CREBBP: variants seen among roughly 807,000 people sequenced by gnomAD.
The protein encoded by CREBBP is CREB-binding protein.
A neutral mutation model predicts 265.0 loss-of-function variants in CREBBP; 19 were observed. That is an observed-to-expected ratio of 0.07 (90% confidence interval 0.05 to 0.11). The LOEUF (loss-of-function observed/expected upper bound fraction) is 0.11. CREBBP is among the 10% of genes least tolerant of loss of function. The pLI is 1.00. For missense variants in CREBBP, 2,525 were observed against 3,219.0 expected (o/e 0.78, Z 5.22); for synonymous variants, 1,457 against 1,223.7 (o/e 1.19, Z -3.98).
intron 1 of CREBBP, among the ~76,000 whole-genome samples, chr16:3,876,964 T>C (rs1800605182): frequency 6.6e-6 from 1 of 152,082 alleles, no homozygotes; most frequent in African/African-American, 2.4e-5. Context: ...TCGGGTGCAT[T>C]TTTCTCTCAG....
rs2055513516 is a variant in CREBBP at position 3,880,560 on chromosome 16, C to T, written c.-644G>A. The T allele has an allele frequency of 4.8e-5, 7 of 145,504 alleles. No homozygotes were observed. In the South Asian group the frequency reaches 1.3e-3, roughly 27 times the overall value. 9.0% of individuals were successfully genotyped at this position (145,504 alleles called of 1,614,324 possible). ...CCGAGCCGAGAGGCGAGCGGGGCCGCCGGGGCGGGCGCCGAGGGCCGGGCG... is the reference window on the plus strand; with the variant it reads ...CCGAGCCGAGAGGCGAGCGGGGCCGTCGGGGCGGGCGCCGAGGGCCGGGCG... On this transcript the variant is annotated 5_prime_UTR_variant, in exon 1 of 31. Transcript: ENST00000262367.
intron 1 of CREBBP, among the ~76,000 whole-genome samples, chr16:3,862,500 A>G (rs1163348962): frequency 6.6e-6 from 1 of 152,186 alleles, no homozygotes; most frequent in Non-Finnish European, 1.5e-5. Flanking sequence ...AACCCTCAAC[A>G]CAGCACTTAC....
chr16:3,876,091 T>C (rs1450819380), intron 1 of CREBBP, among the ~76,000 whole-genome samples: 1 of 152,032 alleles, frequency 6.6e-6, no homozygotes, highest in Non-Finnish European at 1.5e-5. Context: ...CAGGCCAGAG[T>C]GCAGTGGCAT....
chr16:3,838,759 G>C (rs906435712), intron 2 of CREBBP, among the ~76,000 whole-genome samples: 1 of 152,002 alleles, frequency 6.6e-6, no homozygotes, highest in African/African-American at 2.4e-5. Flanking sequence ...CTGTTGCCCG[G>C]GCTGGTGTCA....
At chr16:3,789,983 T>C (rs1270234832) in intron 5 of CREBBP, among the ~76,000 whole-genome samples, 5 of 152,130 alleles carry the variant, frequency 3.3e-5, no homozygotes, top group Admixed American at 6.5e-5. Context: ...ACTGTCATGG[T>C]AGTATGTACT....
chr16:3,832,327 G>A (rs1322615324), intron 2 of CREBBP, among the ~76,000 whole-genome samples: 1 of 152,104 alleles, frequency 6.6e-6, no homozygotes, highest in Non-Finnish European at 1.5e-5. Flanking sequence ...GTAACTTCAT[G>A]AAGCCAGTAT....
intron 2 of CREBBP, among the ~76,000 whole-genome samples, chr16:3,832,540 C>G (rs1321498470): frequency 6.6e-6 from 1 of 152,210 alleles, no homozygotes; most frequent in Non-Finnish European, 1.5e-5. Flanking sequence ...CTACTACACA[C>G]CTAGGCTGTA....
intron 1 of CREBBP, among the ~76,000 whole-genome samples, chr16:3,853,405 T>G (rs1476458172): frequency 7.1e-6 from 1 of 140,290 alleles, no homozygotes; most frequent in Non-Finnish European, 1.5e-5. Context: ...GGTCAGGAGA[T>G]TGAGACCATC....
chr16:3,854,339 C>G (rs371858851), intron 1 of CREBBP, among the ~76,000 whole-genome samples: 18 of 152,206 alleles, frequency 1.2e-4, no homozygotes, highest in African/African-American at 3.9e-4. Flanking sequence ...GACAATCACC[C>G]TGTAGCCAGG....
In CREBBP at chr16:3,774,779, A is replaced by G. The variant is rs532839220; in HGVS notation, c.2159-86T>C. The G allele has an allele frequency of 2.1e-5, 32 of 1,547,358 alleles. No individual in the cohort carries two copies. The African/African-American group carries it at 3.9e-4, about 19-fold the overall frequency. ...CTTGCTAAATAAACTCTTAAGTAAA[A>G]TAAGATGGAACGCACAGGCAACAGA... On this transcript the variant is annotated intron_variant, in intron 11 of 30. Coordinates refer to ENST00000262367, the MANE Select transcript of CREBBP (RefSeq NM_004380.3).
intron 2 of CREBBP, among the ~76,000 whole-genome samples, chr16:3,840,343 A>C (rs1405087690): frequency 1.3e-5 from 2 of 152,200 alleles, no homozygotes; most frequent in Non-Finnish European, 2.9e-5. Context: ...GCTTGAGTTC[A>C]GTTCAAGACC....
rs191911154 is a variant in CREBBP at position 3,841,413 on chromosome 16, C to T, written c.798+8884G>A. Among the ~76,000 whole-genome samples, 101 of 151,890 alleles carry T rather than the reference C, an allele frequency of 6.6e-4. 2 individuals are homozygous for T. Among genetic ancestry groups the T allele is most frequent in the African/African-American group, 2.3e-3 (95 of 41,414 alleles). On this transcript the variant is annotated intron_variant, in intron 2 of 30. Transcript: ENST00000262367. ...AAATTTGGGTTGCAATAAGAGGAAA[C>T]TTTGTGCTCTTTTTACAATTTTTAG...
chr16:3,775,974 T>C (rs928439043), intron 11 of CREBBP, among the ~76,000 whole-genome samples: 1 of 151,866 alleles, frequency 6.6e-6, no homozygotes, highest in Admixed American at 6.6e-5. Flanking sequence ...TGGAGTGCAG[T>C]GGTGTGATCT....
At chr16:3,733,358 T>C (rs1221742224) in intron 28 of CREBBP, among the ~76,000 whole-genome samples, 2 of 116,440 alleles carry the variant, frequency 1.7e-5, no homozygotes, top group African/African-American at 4.2e-5. Flanking sequence ...CGAGACTCCA[T>C]CTCAAAAAAA....
intron 2 of CREBBP, among the ~76,000 whole-genome samples, chr16:3,839,759 G>A (rs1416588552): frequency 1.4e-5 from 2 of 146,594 alleles, no homozygotes; most frequent in African/African-American, 5.1e-5. Flanking sequence ...GAAAGGAAGG[G>A]AGGAAAGGGA....
Position 3,876,399 on chromosome 16 carries a change from CAAAAAAAAA to C in CREBBP, c.85+3424_85+3432del, listed in dbSNP as rs71133663. Among the ~76,000 whole-genome samples, 19 of 18,162 alleles carry C rather than the reference CAAAAAAAAA, an allele frequency of 1.0e-3. No individual in the cohort carries two copies. The South Asian group carries it at 0.013, about 12-fold the overall frequency. 11.9% of individuals were successfully genotyped at this position (18,162 alleles called of 152,430 possible). A position where few individuals can be genotyped will look rare whatever the true frequency, so the allele number is the denominator to read the frequency against. On this transcript the variant is annotated intron_variant, in intron 1 of 30. Coordinates refer to ENST00000262367, the MANE Select transcript of CREBBP (RefSeq NM_004380.3). ...GTGCAAATTTTGCAATAAAGCTGACCAAAAAAAAAAAAAAAAAAAAAAAAAAACAACCCA... is the reference window on the plus strand; with the variant it reads ...GTGCAAATTTTGCAATAAAGCTGACCAAAAAAAAAAAAAAAAAACAACCCA...
At chr16:3,809,504 T>C (rs572837152) in intron 3 of CREBBP, among the ~76,000 whole-genome samples, 9 of 152,268 alleles carry the variant, frequency 5.9e-5, no homozygotes, top group East Asian at 1.9e-4. Flanking sequence ...GGAGGTACCA[T>C]ACAGCAGGGA....
At position 3,731,535 on chromosome 16, in the gene CREBBP, A is replaced by C. The variant is rs775932956; in HGVS notation, c.4891-62T>G. The C allele has an allele frequency of 8.6e-5, 132 of 1,541,890 alleles. No homozygotes were observed. Among genetic ancestry groups the C allele is most frequent in the Non-Finnish European group, 1.1e-4 (122 of 1,143,348 alleles). On this transcript the variant is annotated intron_variant, in intron 29 of 30. Coordinates refer to ENST00000262367, the MANE Select transcript of CREBBP (RefSeq NM_004380.3). This position sits in a 1 kb window ranked among gnomAD's most constrained non-coding sequence, Gnocchi z 7.7. ...ACATGGCACCTCCAGTGGTGAGCTCAGGGCAGGCGCAGCCACCCAGCCTGC... is the reference window on the plus strand; with the variant it reads ...ACATGGCACCTCCAGTGGTGAGCTCCGGGCAGGCGCAGCCACCCAGCCTGC...
At chr16:3,815,257 T>A (rs1291021052) in intron 2 of CREBBP, among the ~76,000 whole-genome samples, 2 of 152,034 alleles carry the variant, frequency 1.3e-5, no homozygotes, top group Non-Finnish European at 2.9e-5. Flanking sequence ...TTGATAATAG[T>A]TTGGTAGGCT....
Sources: gnomAD v4.1 joint callset for allele counts (sites outside exome capture counted in the v4.1 genomes callset) on GRCh38, gnomAD v4.1.1 for gene constraint, Gnocchi (gnomAD v3.1) non-coding constraint, MANE v1.5 for transcripts, NCBI Gene and HGNC (gene_info 2026-07-23, HGNC 2026-07-21) for gene names.